The following MLN variants were observed in gnomAD, a reference collection of about 807,000 sequenced individuals.
The protein encoded by MLN is promotilin.
In MLN, 14 loss-of-function variants were observed where a neutral mutation model predicts 13.3. The ratio of observed to expected loss-of-function variants is 1.05; its 90% CI spans 0.69 to 1.64. The LOEUF (loss-of-function observed/expected upper bound fraction) is 1.64, where lower values mean the gene tolerates loss of function less well. Ranked by LOEUF, MLN falls within the 40% of genes most tolerant of loss-of-function variation. The pLI is 0.00. For synonymous variants in MLN, 59 were observed against 54.7 expected (o/e 1.08, Z -0.34); for missense variants, 122 against 142.9 (o/e 0.85, Z 0.75).
Position 33,801,176 on chromosome 6 carries a change from CA to C in MLN, c.-7-7del, listed in dbSNP as rs1328118123. ...TACGGGATACCATCTTGGAGCTGGA[CA>C]ATGACAAGGAGCTCTTGTCACTAAG... On this transcript the variant is annotated splice_polypyrimidine_tract_variant and splice_region_variant and intron_variant, in intron 1 of 4. Coordinates refer to ENST00000430124, the MANE Select transcript of MLN (RefSeq NM_002418.3). 1 of 1,604,118 alleles carries C rather than the reference CA, an allele frequency of 6.2e-7. No individual in the cohort carries two copies. The highest frequency in any genetic ancestry group is 8.5e-7 in the Non-Finnish European group (1 of 1,171,202).
Position 33,801,074 on chromosome 6 carries a change from G to A in MLN, c.90C>T (p.Phe30=). Residue 30 remains phenylalanine, a synonymous_variant, in exon 2 of 5, where the codon TTC becomes TTT. Transcript: ENST00000430124. ...GCATCCTCTGGAGTTCGCCATAGGTGAAGATGGGGACGAAGGCTTCCGTCT... is the reference window on the plus strand; with the variant it reads ...GCATCCTCTGGAGTTCGCCATAGGTAAAGATGGGGACGAAGGCTTCCGTCT... ...ASQTEAFVPI[F]TYGELQRMQE... 1 of 1,614,084 alleles carries A rather than the reference G, an allele frequency of 6.2e-7. No homozygotes were observed. The highest frequency in any genetic ancestry group is 8.5e-7 in the Non-Finnish European group (1 of 1,179,960).
chr6:33,797,957 C>T (rs982113040), intron 3 of MLN, among the ~76,000 whole-genome samples: 1 of 152,226 alleles, frequency 6.6e-6, no homozygotes, highest in Non-Finnish European at 1.5e-5. Flanking sequence ...GGCCTCCTCA[C>T]TCTTCCTGAA....
chr6:33,794,943 G>T (rs754283441), intron 4 of MLN, 108 bp from the exon 5 acceptor site: 151 of 1,415,778 alleles, frequency 1.1e-4, no homozygotes, highest in Non-Finnish European at 1.3e-4. Context: ...ACAAGGGCAG[G>T]CTGGGCGGGA....
At chr6:33,795,472 C>T (rs976650407) in intron 4 of MLN, 31 bp downstream of exon 4, 2 of 1,537,986 alleles carry the variant, frequency 1.3e-6, no homozygotes, top group Non-Finnish European at 1.8e-6. Flanking sequence ...GGAGGCCGGC[C>T]AAGCCACAGA....
chr6:33,801,547 A>G (rs1342927764), intron 1 of MLN, among the ~76,000 whole-genome samples: 2 of 152,214 alleles, frequency 1.3e-5, no homozygotes, highest in African/African-American at 4.8e-5. Context: ...GATTATCAAC[A>G]GAACTGTGCC....
At chr6:33,802,379 A>G (rs1760863233) in intron 1 of MLN, among the ~76,000 whole-genome samples, 1 of 152,126 alleles carries the variant, frequency 6.6e-6, no homozygotes. Flanking sequence ...GCGCTCCTCC[A>G]GTCCCCAGGC....
Position 33,795,502 on chromosome 6 carries a change from C to T in MLN, c.337+1G>A, listed in dbSNP as rs745647262. 12 of 1,559,090 alleles carry T rather than the reference C, an allele frequency of 7.7e-6. No homozygotes were observed. The South Asian group carries it at 1.3e-4, about 17-fold the overall frequency. On this transcript the variant is annotated splice_donor_variant, in intron 4 of 4. Transcript: ENST00000430124. LOFTEE classifies it high-confidence loss of function. ...CACAGAGATGCCCGCCCTCCCCGTA[C>T]CATGCTGGGGAAGCATCTCACTCAG...
At position 33,803,319 on chromosome 6, in the gene MLN, T is replaced by TTTTC. The variant is rs990731198; in HGVS notation, c.-8+633_-8+634insGAAA. 6.7e-6 allele frequency among the ~76,000 whole-genome samples: 1 copy of TTTTC among 149,862 alleles called. No homozygotes were observed. Among genetic ancestry groups the TTTTC allele is most frequent in the African/African-American group, 2.4e-5 (1 of 40,900 alleles). ...CTTTTCTTTTCTTCTTTTTTTTTTT[T>TTTTC]TTTTCTGAGATGGAGTCTCGCTCTG... On this transcript the variant is annotated intron_variant, in intron 1 of 4. Coordinates refer to ENST00000430124, the MANE Select transcript of MLN (RefSeq NM_002418.3). This position sits in a 1 kb window ranked among gnomAD's most constrained non-coding sequence, Gnocchi z 4.5.
Position 33,799,775 on chromosome 6 carries a change from C to T in MLN, c.118-554G>A, listed in dbSNP as rs1484488404. Among the ~76,000 whole-genome samples the T allele has an allele frequency of 1.3e-5, 2 of 152,170 alleles. No individual in the cohort carries two copies. The highest frequency in any genetic ancestry group is 4.8e-5 in the African/African-American group (2 of 41,432). The stretch of plus-strand genomic sequence containing the variant: ...AGAAAAGCCATGGAGCAGATTAATG[C>T]AGTGTCCTTTGCTTGCTATTTTGCT... On this transcript the variant is annotated intron_variant, in intron 2 of 4. Transcript: ENST00000430124. The surrounding 1 kb of genome is among the most constrained non-coding windows in gnomAD (Gnocchi z 4.6).
rs567088791 is a variant in MLN at position 33,798,478 on chromosome 6, T to G, written c.234+627A>C. 5.3e-5 allele frequency among the ~76,000 whole-genome samples: 8 copies of G among 151,972 alleles called. No homozygotes were observed. In the South Asian group the frequency reaches 1.7e-3, roughly 32 times the overall value. ...TGAGGCCTGTGGCTGGCTCCTGGGT[T>G]TCTGTCTGGGAGGGGAGGAATTGGC... is the stretch of plus-strand genomic sequence containing the variant. On this transcript the variant is annotated intron_variant, in intron 3 of 4. Transcript: ENST00000430124.
At chr6:33,798,664 C>T (rs948481344) in intron 3 of MLN, among the ~76,000 whole-genome samples, 7 of 152,250 alleles carry the variant, frequency 4.6e-5, no homozygotes, top group African/African-American at 1.4e-4. Flanking sequence ...GCTGACCTCT[C>T]GCCCACTCGA....
chr6:33,801,288 G>A (rs911762569), intron 1 of MLN, 118 bp from the exon 2 acceptor site: 58 of 733,434 alleles, frequency 7.9e-5, no homozygotes, highest in African/African-American at 7.3e-4. Flanking sequence ...GTGATCTTCA[G>A]CCAAAGCTCA....
chr6:33,796,472 T>G (rs73744697), intron 3 of MLN, among the ~76,000 whole-genome samples: 294 of 152,256 alleles, frequency 1.9e-3, no homozygotes, highest in Middle Eastern at 3.4e-3. Flanking sequence ...CGCTGATTGA[T>G]CTCCCCGTCC....
rs557418188 is a variant in MLN, at chr6:33,802,694, T to C, written c.-8+1259A>G. Among the ~76,000 whole-genome samples the C allele has an allele frequency of 2.2e-4, 33 of 152,288 alleles. 1 individual carries two copies. The highest frequency in any genetic ancestry group is 6.8e-3 in the Middle Eastern group (2 of 294). Reference sequence around the variant, plus strand: ...CGAAAGCCTCCCCATCCCAGCTGTATGCAAATTCCCAGCAGGCTGAAAGGA... The same window carrying C: ...CGAAAGCCTCCCCATCCCAGCTGTACGCAAATTCCCAGCAGGCTGAAAGGA... On this transcript the variant is annotated intron_variant, in intron 1 of 4. Transcript: ENST00000430124.
intron 3 of MLN, among the ~76,000 whole-genome samples, chr6:33,798,131 C>T (rs986668432): frequency 5.4e-4 from 82 of 152,178 alleles, no homozygotes; most frequent in African/African-American, 1.9e-3. Flanking sequence ...GATCCATAAC[C>T]CACCGCGTCT....
intron 3 of MLN, among the ~76,000 whole-genome samples, chr6:33,797,513 G>A (rs1351852946): frequency 6.6e-6 from 1 of 152,180 alleles, no homozygotes; most frequent in Non-Finnish European, 1.5e-5. Context: ...CCAACCACAG[G>A]CTACTCTGTC....
intron 4 of MLN, 63 bp downstream of exon 4, chr6:33,795,440 G>T: frequency 7.6e-7 from 1 of 1,322,080 alleles, no homozygotes. Context: ...CCTGCCTCTG[G>T]AGTATTAACG....
Position 33,799,339 on chromosome 6 carries a change from G to T in MLN, c.118-118C>A. The T allele has an allele frequency of 1.6e-6, 1 of 635,592 alleles. No individual in the cohort carries two copies. The highest frequency in any genetic ancestry group is 2.8e-6 in the Non-Finnish European group (1 of 362,148). The allele number at this position is 635,592 out of a possible 1,614,324, so 39.4% of individuals were successfully genotyped here. On this transcript the variant is annotated intron_variant, in intron 2 of 4. Coordinates refer to ENST00000430124, the MANE Select transcript of MLN (RefSeq NM_002418.3). The surrounding 1 kb of genome is among the most constrained non-coding windows in gnomAD (Gnocchi z 4.6). The stretch of plus-strand genomic sequence containing the variant: ...GCCCTGAGCTCCCTACAGACTGAAA[G>T]AACCCTTTCCTCCAGGAGCCTCCTG...
At chr6:33,802,806 G>A (rs759859567) in intron 1 of MLN, among the ~76,000 whole-genome samples, 7 of 152,080 alleles carry the variant, frequency 4.6e-5, no homozygotes, top group African/African-American at 7.2e-5. Context: ...AGAATGGGTT[G>A]AGGTGGGTGG....
Sources: gnomAD v4.1 joint callset for allele counts (sites outside exome capture counted in the v4.1 genomes callset) on GRCh38, gnomAD v4.1.1 for gene constraint, Gnocchi (gnomAD v3.1) non-coding constraint, MANE v1.5 for transcripts, NCBI Gene and HGNC (gene_info 2026-07-23, HGNC 2026-07-21) for gene names.